CFDP1: variants seen among roughly 807,000 people sequenced by gnomAD.
CFDP1 encodes heterochromatin-stabilizing protein CFDP1.
CFDP1 carries 31 observed loss-of-function variants against 40.1 expected under a neutral mutation model. The observed-to-expected ratio is 0.77, with a 90% confidence interval of 0.58 to 1.04. The LOEUF (loss-of-function observed/expected upper bound fraction) is 1.04. Ranked by LOEUF, CFDP1 falls within the 50% of genes least tolerant of loss-of-function variation. The pLI, the probability that CFDP1 is intolerant of heterozygous loss-of-function variation, is 0.00. For missense variants in CFDP1, 423 were observed against 343.4 expected (o/e 1.23, Z -1.83); for synonymous variants, 167 against 120.0 (o/e 1.39, Z -2.56).
chr16:75,349,615 T>C (rs1475717442), intron 5 of CFDP1, among the ~76,000 whole-genome samples: 4 of 133,774 alleles, frequency 3.0e-5, no homozygotes, highest in Non-Finnish European at 6.2e-5. Flanking sequence ...TGTGCTGCTG[T>C]ACCCCAGCCT....
At chr16:75,362,787 T>G (rs1191905906) in intron 5 of CFDP1, 1 of 152,206 alleles carries the variant, frequency 6.6e-6, no homozygotes, top group African/African-American at 2.4e-5. Context: ...CCCACAGTGT[T>G]GTTTTATACA....
intron 5 of CFDP1, among the ~76,000 whole-genome samples, chr16:75,329,370 A>G (rs891288761): frequency 1.3e-5 from 2 of 152,254 alleles, no homozygotes; most frequent in African/African-American, 4.8e-5. Flanking sequence ...AAGTGGACCC[A>G]GGACTGAGTC....
chr16:75,396,463 C>G lies in CFDP1; in HGVS notation c.531-1254G>C, dbSNP rs1287069786. ...CTGAGGCAGGAGAATTGCCTGAACC[C>G]AGGAGGTGGAGGTTGCAGTGAGCTC... On this transcript the variant is annotated intron_variant, in intron 4 of 6. Coordinates refer to ENST00000283882, the MANE Select transcript of CFDP1 (RefSeq NM_006324.3). Among the ~76,000 whole-genome samples the G allele has an allele frequency of 2.9e-5, 3 of 103,346 alleles. 1 individual carries two copies. Among genetic ancestry groups the G allele is most frequent in the Non-Finnish European group, 7.0e-5 (3 of 43,158 alleles). The allele number at this position is 103,346 out of a possible 152,430, so 67.8% of individuals were successfully genotyped here. A position where few individuals can be genotyped will look rare whatever the true frequency, so the allele number is the denominator to read the frequency against.
chr16:75,392,085 T>G (rs893443280), intron 5 of CFDP1, among the ~76,000 whole-genome samples: 4 of 152,090 alleles, frequency 2.6e-5, no homozygotes, highest in African/African-American at 9.7e-5. Flanking sequence ...TAGCTTCAAA[T>G]TTTAAAAATC....
At chr16:75,317,886 A>G (rs190453995) in intron 5 of CFDP1, among the ~76,000 whole-genome samples, 50 of 152,086 alleles carry the variant, frequency 3.3e-4, no homozygotes, top group Non-Finnish European at 4.4e-4. Flanking sequence ...TGAGGTGGGT[A>G]GATTACCTAA....
intron 5 of CFDP1, among the ~76,000 whole-genome samples, chr16:75,311,548 C>A (rs1438323891): frequency 6.6e-6 from 1 of 152,132 alleles, no homozygotes; most frequent in African/African-American, 2.4e-5. Flanking sequence ...AGACCAGTAC[C>A]AAAAGTGGAC....
intron 5 of CFDP1, among the ~76,000 whole-genome samples, chr16:75,384,823 A>C (rs1233693842): frequency 8.1e-6 from 1 of 123,650 alleles, no homozygotes; most frequent in African/African-American, 2.9e-5. Flanking sequence ...CTGTTAAGTA[A>C]AAATACAAGT....
chr16:75,412,873 G>A, intron 2 of CFDP1, 119 bp from the exon 3 acceptor site: 1 of 726,674 alleles, frequency 1.4e-6, no homozygotes, highest in Non-Finnish European at 2.3e-6. Context: ...TGGGACTACT[G>A]GTTAATATAC....
At chr16:75,357,675 T>A (rs2078653692) in intron 5 of CFDP1, among the ~76,000 whole-genome samples, 1 of 152,222 alleles carries the variant, frequency 6.6e-6, no homozygotes, top group Non-Finnish European at 1.5e-5. Flanking sequence ...TACTCTGGAT[T>A]AGGCTTTGGC....
At chr16:75,422,160 G>A (rs1037207874) in intron 1 of CFDP1, among the ~76,000 whole-genome samples, 11 of 151,886 alleles carry the variant, frequency 7.2e-5, no homozygotes, top group African/African-American at 1.7e-4. Context: ...GCAATGGTGC[G>A]ATCTCGGCTC....
At chr16:75,354,404 T>C (rs2078633299) in intron 5 of CFDP1, among the ~76,000 whole-genome samples, 1 of 152,164 alleles carries the variant, frequency 6.6e-6, no homozygotes, top group Non-Finnish European at 1.5e-5. Context: ...CAGAGCGGGA[T>C]ATGGCCAGGG....
intron 5 of CFDP1, among the ~76,000 whole-genome samples, chr16:75,316,579 A>AG (rs1276815526): frequency 6.7e-6 from 1 of 149,568 alleles, no homozygotes; most frequent in African/African-American, 2.5e-5. Context: ...TAAAAAAAAA[A>AG]AAAAAAAAAA....
chr16:75,299,571 G>A (rs1400908910), intron 6 of CFDP1, among the ~76,000 whole-genome samples: 1 of 151,848 alleles, frequency 6.6e-6, no homozygotes. Context: ...CTCCAGCCTG[G>A]GGAAAAGAGC....
chr16:75,297,599 G>C (rs900389566), intron 6 of CFDP1, among the ~76,000 whole-genome samples: 2 of 152,220 alleles, frequency 1.3e-5, no homozygotes, highest in Admixed American at 1.3e-4. Flanking sequence ...GCCCTTTTGG[G>C]GGCCCAGCAT....
chr16:75,345,491 A>T (rs116264313), intron 5 of CFDP1, among the ~76,000 whole-genome samples: 86 of 152,174 alleles, frequency 5.7e-4, no homozygotes, highest in African/African-American at 2.1e-3. Flanking sequence ...ACAAAACATT[A>T]TCTGGGCATG....
intron 5 of CFDP1, among the ~76,000 whole-genome samples, chr16:75,382,086 G>A (rs1221261255): frequency 1.3e-5 from 2 of 150,144 alleles, no homozygotes; most frequent in Non-Finnish European, 2.9e-5. Flanking sequence ...CTGCACTCCA[G>A]CCTGGGCAAC....
intron 5 of CFDP1, among the ~76,000 whole-genome samples, chr16:75,365,767 T>C (rs2078709277): frequency 2.0e-5 from 3 of 152,122 alleles, no homozygotes. Context: ...TCAGAGAAGA[T>C]ATACAAATAG....
intron 5 of CFDP1, among the ~76,000 whole-genome samples, chr16:75,385,284 G>C (rs2078887102): frequency 6.6e-6 from 1 of 151,984 alleles, no homozygotes; most frequent in Non-Finnish European, 1.5e-5. Context: ...GCACAGGGAA[G>C]GATCTGCACA....
At chr16:75,411,001 C>G (rs182749198) in intron 4 of CFDP1, among the ~76,000 whole-genome samples, 1 of 150,356 alleles carries the variant, frequency 6.7e-6, no homozygotes, top group African/African-American at 2.4e-5. Flanking sequence ...GGTGGATCAC[C>G]TGAGGTCAGG....
Sources: allele counts gnomAD v4.1 joint callset (sites outside exome capture counted in the v4.1 genomes callset), GRCh38; gene constraint gnomAD v4.1.1; transcripts MANE v1.5; gene names NCBI Gene and HGNC (gene_info 2026-07-23, HGNC 2026-07-21).